COL24A1: variants seen among roughly 807,000 people sequenced by gnomAD.
The protein encoded by COL24A1 is collagen alpha-1(XXIV) chain.
A neutral mutation model predicts 253.9 loss-of-function variants in COL24A1; 224 were observed. The observed-to-expected ratio is 0.88, with a 90% CI of 0.79 to 0.99. The LOEUF is 0.99. COL24A1 is among the 50% of genes least tolerant of loss of function. The pLI, the probability that COL24A1 is intolerant of heterozygous loss-of-function variation, is 0.00. For synonymous variants in COL24A1, 685 were observed against 673.7 expected, an observed-to-expected ratio of 1.02 and a Z score of -0.26; for missense variants, 2,131 against 2,068.5, an observed-to-expected ratio of 1.03 and a Z score of -0.59.
chr1:86,089,286 T>C, intron 6 of COL24A1, 59 bp from the exon 7 acceptor site: 4 of 1,353,416 alleles, frequency 3.0e-6, no homozygotes, highest in Non-Finnish European at 3.1e-6. Flanking sequence ...TAGAATTCTC[T>C]TGAAAATTAA....
Position 86,125,806 on chromosome 1 carries a change from ATTGAGACACT to A in COL24A1, c.520_529del (p.Ser174CysfsTer29). The A allele has an allele frequency of 6.2e-7, 1 of 1,613,322 alleles. No homozygotes were observed. Among genetic ancestry groups the A allele is most frequent in the Non-Finnish European group, 8.5e-7 (1 of 1,179,752 alleles). ...ATATTTCTTTCCACACTCAACAAAC[ATTGAGACACT>A]TTGGTTTCTAATAGTAATGGCAAAT... On this transcript the variant is annotated frameshift_variant, in exon 3 of 60. Coordinates refer to ENST00000370571, the MANE Select transcript of COL24A1 (RefSeq NM_152890.7). LOFTEE classifies it high-confidence loss of function.
intron 28 of COL24A1, among the ~76,000 whole-genome samples, chr1:85,899,337 G>T (rs910665185): frequency 6.6e-6 from 1 of 152,018 alleles, no homozygotes; most frequent in Non-Finnish European, 1.5e-5. Flanking sequence ...GTAATTAATT[G>T]GGCCCTTAAA....
chr1:85,830,307 G>T (rs60049801), intron 43 of COL24A1, among the ~76,000 whole-genome samples: 1 of 152,114 alleles, frequency 6.6e-6, no homozygotes, highest in Non-Finnish European at 1.5e-5. Flanking sequence ...CATGCTGGGA[G>T]AACCACTGCT....
At chr1:85,963,003 T>C (rs569104029) in intron 23 of COL24A1, among the ~76,000 whole-genome samples, 2 of 152,278 alleles carry the variant, frequency 1.3e-5, no homozygotes, top group South Asian at 2.1e-4. Flanking sequence ...CAATATTGAT[T>C]ACATGTTGAA....
intron 6 of COL24A1, among the ~76,000 whole-genome samples, chr1:86,089,589 A>T (rs1703333629): frequency 6.6e-6 from 1 of 152,108 alleles, no homozygotes; most frequent in East Asian, 1.9e-4. Flanking sequence ...GGAGGCCGAG[A>T]CAGGTGGACT....
chr1:85,891,359 C>G lies in COL24A1; in HGVS notation c.2923-1746G>C, dbSNP rs539278905. Among the ~76,000 whole-genome samples, 2 of 151,990 alleles carry G rather than the reference C, an allele frequency of 1.3e-5. 1 individual carries two copies. The highest frequency in any genetic ancestry group is 4.2e-4 in the South Asian group (2 of 4,810). On this transcript the variant is annotated intron_variant, in intron 31 of 59. Coordinates refer to ENST00000370571, the MANE Select transcript of COL24A1 (RefSeq NM_152890.7). ...GATTACAGGCGTGAGCCTCTGCGCC[C>G]GGCCGTAAGTTGCATCTTCTACATT...
At chr1:86,001,636 T>C (rs1695417531) in intron 19 of COL24A1, among the ~76,000 whole-genome samples, 1 of 152,142 alleles carries the variant, frequency 6.6e-6, no homozygotes, top group Non-Finnish European at 1.5e-5. Context: ...GACTGAAATA[T>C]ATTTATCAGG....
intron 25 of COL24A1, among the ~76,000 whole-genome samples, chr1:85,911,032 A>G (rs1008220529): frequency 4.0e-5 from 6 of 151,884 alleles, no homozygotes; most frequent in African/African-American, 1.4e-4. Flanking sequence ...AGAGAAAGGT[A>G]AAATGGTAAC....
chr1:85,890,719 T>G (rs1409770582), intron 31 of COL24A1, among the ~76,000 whole-genome samples: 1 of 152,172 alleles, frequency 6.6e-6, no homozygotes, highest in African/African-American at 2.4e-5. Flanking sequence ...AGTTTTAATA[T>G]TCATATAAAG....
At chr1:86,105,770 AGGGGTCTCCTCCTGCT>A (rs1337675215) in intron 5 of COL24A1, among the ~76,000 whole-genome samples, 1 of 152,160 alleles carries the variant, frequency 6.6e-6, no homozygotes, top group Non-Finnish European at 1.5e-5. Context: ...GTGGTGGTTG[AGGGGTCTCCTCCTGCT>A]GGGATTCCAG....
intron 12 of COL24A1, among the ~76,000 whole-genome samples, chr1:86,034,574 T>C (rs957117111): frequency 6.6e-6 from 1 of 152,134 alleles, no homozygotes; most frequent in Admixed American, 6.6e-5. Flanking sequence ...CTTTAAATCA[T>C]CATTCCAAGA....
At chr1:85,739,651 T>G (rs999339305) in intron 57 of COL24A1, among the ~76,000 whole-genome samples, 1 of 152,200 alleles carries the variant, frequency 6.6e-6, no homozygotes, top group Non-Finnish European at 1.5e-5. Flanking sequence ...TCTATGACAA[T>G]TTTAGCTTTT....
rs189423757 is a variant in COL24A1 at position 85,760,479 on chromosome 1, G to A, written c.4437+917C>T. On this transcript the variant is annotated intron_variant, in intron 55 of 59. Coordinates refer to ENST00000370571, the MANE Select transcript of COL24A1 (RefSeq NM_152890.7). The stretch of plus-strand genomic sequence containing the variant: ...TTTCAAGGGGATAGTCTTCCTTGTG[G>A]CACTTTGCCTGGAAGTTATTCCTTG... Among the ~76,000 whole-genome samples the A allele has an allele frequency of 1.5e-3, 225 of 152,172 alleles. 1 individual carries two copies. The highest frequency in any genetic ancestry group is 0.01 in the Admixed American group (160 of 15,282).
chr1:86,022,724 AC>A, intron 16 of COL24A1, 108 bp downstream of exon 16: 3 of 1,225,498 alleles, frequency 2.4e-6, no homozygotes, highest in Non-Finnish European at 3.3e-6. Flanking sequence ...TATAATTGAT[AC>A]TACAAATTAG....
intron 32 of COL24A1, among the ~76,000 whole-genome samples, chr1:85,880,124 C>T (rs565140822): frequency 2.6e-5 from 4 of 152,170 alleles, no homozygotes; most frequent in Non-Finnish European, 5.9e-5. Flanking sequence ...ACTAATATCT[C>T]AACAATATTG....
chr1:85,836,020 C>T (rs549031968), intron 43 of COL24A1, among the ~76,000 whole-genome samples: 9 of 152,286 alleles, frequency 5.9e-5, no homozygotes, highest in Non-Finnish European at 1.0e-4. Flanking sequence ...TCTCCAAAAA[C>T]GAAGGGACAC....
At chr1:86,063,932 T>C (rs1306515145) in intron 7 of COL24A1, among the ~76,000 whole-genome samples, 173 bp from the exon 8 acceptor site, 1 of 151,880 alleles carries the variant, frequency 6.6e-6, no homozygotes, top group Non-Finnish European at 1.5e-5. Flanking sequence ...TTAATAAGAA[T>C]TACTTTTTTA....
chr1:85,894,653 C>A (rs1683471224), intron 31 of COL24A1, among the ~76,000 whole-genome samples: 1 of 152,034 alleles, frequency 6.6e-6, no homozygotes, highest in African/African-American at 2.4e-5. Context: ...TCTATACAAA[C>A]ACCATTTATA....
intron 18 of COL24A1, among the ~76,000 whole-genome samples, chr1:86,019,783 A>T (rs1697328982): frequency 6.6e-6 from 1 of 152,110 alleles, no homozygotes; most frequent in Admixed American, 6.6e-5. Context: ...ACAGTACAGA[A>T]AGGTGTAAAA....
Sources: gnomAD v4.1 joint callset for allele counts (sites outside exome capture counted in the v4.1 genomes callset) on GRCh38, gnomAD v4.1.1 for gene constraint, MANE v1.5 for transcripts, NCBI Gene and HGNC (gene_info 2026-07-23, HGNC 2026-07-21) for gene names.